SEPTIN7: variants seen among roughly 807,000 people sequenced by gnomAD.
SEPTIN7 encodes septin 7, also known as septin-7.
Under a neutral mutation model 63.3 loss-of-function variants are expected in SEPTIN7, and 10 were observed. That is an observed-to-expected ratio of 0.16 (90% CI 0.10 to 0.27). The LOEUF is 0.27. SEPTIN7 is among the 10% of genes least tolerant of loss of function. The pLI is 1.00. For missense variants in SEPTIN7, 310 were observed against 521.0 expected (o/e 0.59, Z 3.94); for synonymous variants, 131 against 165.3 (o/e 0.79, Z 1.59).
chr7:35,822,813 T>C (rs188979590), intron 1 of SEPTIN7, among the ~76,000 whole-genome samples: 1 of 152,390 alleles, frequency 6.6e-6, no homozygotes, highest in Admixed American at 6.5e-5. Context: ...TTTTACTGTT[T>C]AGCAGCAATG....
chr7:35,855,854 G>A (rs901974275), intron 3 of SEPTIN7, among the ~76,000 whole-genome samples: 2 of 152,044 alleles, frequency 1.3e-5, no homozygotes, highest in African/African-American at 4.8e-5. Flanking sequence ...TGACAATTAA[G>A]CATATTATTT....
At position 35,904,426 on chromosome 7, in the gene SEPTIN7, A is replaced by ATT; in HGVS notation, c.*143_*144dup. 6.9e-5 allele frequency: 35 copies of ATT among 508,572 alleles called. No homozygotes were observed. Among genetic ancestry groups the ATT allele is most frequent in the South Asian group, 1.7e-4 (4 of 23,102 alleles). 31.5% of individuals were successfully genotyped at this position (508,572 alleles called of 1,614,324 possible). ...TGGATTTAACAGCATGACAAAAATTATTTTTTTTTTTGTTCTTGATGGAGA... is the reference window on the plus strand; with the variant it reads ...TGGATTTAACAGCATGACAAAAATTATTTTTTTTTTTTTGTTCTTGATGGAGA... On this transcript the variant is annotated 3_prime_UTR_variant, in exon 14 of 14. Transcript: ENST00000350320.
intron 3 of SEPTIN7, among the ~76,000 whole-genome samples, chr7:35,843,796 A>G (rs1464430408): frequency 6.6e-6 from 1 of 152,174 alleles, no homozygotes; most frequent in East Asian, 1.9e-4. Context: ...ATAGGCTGAT[A>G]TTTAGAAGGA....
rs78645488 is a variant in SEPTIN7, at chr7:35,825,442, A to T, written c.62-6050A>T. Among the ~76,000 whole-genome samples the T allele has an allele frequency of 1.2e-3, 178 of 152,168 alleles. 2 individuals carry two copies. In the East Asian group the frequency reaches 0.031, roughly 26 times the overall value. On this transcript the variant is annotated intron_variant, in intron 1 of 13. Transcript: ENST00000350320. Reference sequence around the variant, plus strand: ...CAACTGACTGAGACCCATATTCTCCAGCTCCCACCCTCATCTGTCATCAAA... The same window carrying T: ...CAACTGACTGAGACCCATATTCTCCTGCTCCCACCCTCATCTGTCATCAAA...
intron 1 of SEPTIN7, among the ~76,000 whole-genome samples, chr7:35,821,936 A>G (rs1249409285): frequency 6.6e-6 from 1 of 151,912 alleles, no homozygotes; most frequent in East Asian, 1.9e-4. Context: ...ATGCCTGGCT[A>G]ATTTTTGTGT....
At chr7:35,823,301 A>C (rs576643276) in intron 1 of SEPTIN7, among the ~76,000 whole-genome samples, 1 of 152,278 alleles carries the variant, frequency 6.6e-6, no homozygotes, top group African/African-American at 2.4e-5. Flanking sequence ...TCCCAGGTTC[A>C]AGGGATTCTC....
At chr7:35,819,737 G>A (rs1049922025) in intron 1 of SEPTIN7, among the ~76,000 whole-genome samples, 2 of 151,842 alleles carry the variant, frequency 1.3e-5, no homozygotes, top group African/African-American at 2.4e-5. Flanking sequence ...TCTGATATTA[G>A]TGTAGCTACT....
At chr7:35,870,504 G>T (rs1450792511) in intron 4 of SEPTIN7, among the ~76,000 whole-genome samples, 12 of 152,154 alleles carry the variant, frequency 7.9e-5, no homozygotes, top group Admixed American at 7.2e-4. Flanking sequence ...GAGTAAGTAG[G>T]TAAAGGAGTG....
At chr7:35,841,704 A>G (rs1160598020) in intron 3 of SEPTIN7, among the ~76,000 whole-genome samples, 1 of 152,236 alleles carries the variant, frequency 6.6e-6, no homozygotes, top group African/African-American at 2.4e-5. Context: ...TCAGTATTTT[A>G]AAAGAACTCA....
rs560133808 is a variant in SEPTIN7 at position 35,880,047 on chromosome 7, A to T, written c.630+107A>T. On this transcript the variant is annotated intron_variant, in intron 7 of 13. Coordinates refer to ENST00000350320, the MANE Select transcript of SEPTIN7 (RefSeq NM_001788.6). ...AATCCATTCCTCTTACTGCTTTACT[A>T]TATTGTCATTTATACTGTATTAGAA... 27 of 672,856 alleles carry T rather than the reference A, an allele frequency of 4.0e-5. No individual in the cohort carries two copies. In the African/African-American group the frequency reaches 4.5e-4, roughly 11 times the overall value. 41.7% of individuals were successfully genotyped at this position (672,856 alleles called of 1,614,324 possible). A position where few individuals can be genotyped will look rare whatever the true frequency, so the allele number is the denominator to read the frequency against.
At chr7:35,839,523 TTTATGTTATGTTATGTTATG>T (rs59165377) in intron 3 of SEPTIN7, among the ~76,000 whole-genome samples, 7 of 148,188 alleles carry the variant, frequency 4.7e-5, no homozygotes, top group South Asian at 4.3e-4. Flanking sequence ...ATTTTTGTAA[TTTATGTTATGTTATGTTATG>T]TTATGTTATG....
At chr7:35,878,158 C>CT (rs1583608898) in intron 6 of SEPTIN7, among the ~76,000 whole-genome samples, 1 of 151,994 alleles carries the variant, frequency 6.6e-6, no homozygotes, top group African/African-American at 2.4e-5. Context: ...GTACAGCACA[C>CT]TAAGTGTTGT....
chr7:35,815,031 T>A (rs1788965813), intron 1 of SEPTIN7: 1 of 220,998 alleles, frequency 4.5e-6, no homozygotes, highest in Admixed American at 5.7e-5. Flanking sequence ...AAGAGCTCTT[T>A]TATTTATTCA....
Position 35,832,788 on chromosome 7 carries a change from C to A in SEPTIN7, c.67-10C>A. The A allele has an allele frequency of 6.4e-7, 1 of 1,555,788 alleles. No homozygotes were observed. The highest frequency in any genetic ancestry group is 8.9e-7 in the Non-Finnish European group (1 of 1,128,558). Reference sequence around the variant, plus strand: ...TACATGAATAACTTGGCCCTTTTTGCTTTTGTCAGCAACAGAAGAACCTTG... The same window carrying A: ...TACATGAATAACTTGGCCCTTTTTGATTTTGTCAGCAACAGAAGAACCTTG... On this transcript the variant is annotated splice_polypyrimidine_tract_variant and intron_variant, in intron 2 of 13. Transcript: ENST00000350320.
chr7:35,915,640 T>C, the SEPTIN7 span, among the ~76,000 whole-genome samples: 1 of 152,218 alleles, frequency 6.6e-6, no homozygotes, highest in Admixed American at 6.5e-5. Flanking sequence ...TTTGCTCTCC[T>C]TCCAGGTCCT....
intron 1 of SEPTIN7, chr7:35,812,152 A>C (rs982950051): frequency 5.3e-6 from 1 of 189,066 alleles, no homozygotes; most frequent in Non-Finnish European, 1.2e-5. Context: ...ACAAAAAAAA[A>C]ACAGTTTTTA....
At chr7:35,814,756 A>C (rs1034128294) in intron 1 of SEPTIN7, among the ~76,000 whole-genome samples, 5 of 152,070 alleles carry the variant, frequency 3.3e-5, no homozygotes, top group Admixed American at 2.0e-4. Context: ...TGGGTGGATC[A>C]CGAGGTCAGG....
In SEPTIN7 at chr7:35,879,888, T is replaced by C; in HGVS notation, c.578T>C (p.Ile193Thr). The part of the protein sequence containing the change: ...LHEKVNIIPL[I>T]AKADTLTPEE... ...GAAAAAGTGAATATCATCCCACTTA[T>C]TGCCAAAGCAGACACACTCACACCA... Residue 193 changes from isoleucine (I) to threonine (T), a missense_variant, in exon 7 of 14, where the codon ATT (isoleucine) becomes ACT (threonine). By Grantham distance (89) the Ile-to-Thr change is moderately conservative. Coordinates refer to ENST00000350320, the MANE Select transcript of SEPTIN7 (RefSeq NM_001788.6). 1.2e-6 allele frequency: 2 copies of C among 1,602,330 alleles called. No individual in the cohort carries two copies. The highest frequency in any genetic ancestry group is 1.1e-5 in the South Asian group (1 of 88,678).
chr7:35,910,175 C>T (rs1042504894), downstream of SEPTIN7, among the ~76,000 whole-genome samples: 6 of 152,204 alleles, frequency 3.9e-5, no homozygotes, highest in African/African-American at 7.2e-5. Flanking sequence ...TGACCCAGCT[C>T]TGAGAGTCAC....
Sources: gnomAD v4.1 joint callset for allele counts (sites outside exome capture counted in the v4.1 genomes callset) on GRCh38, gnomAD v4.1.1 for gene constraint, MANE v1.5 for transcripts, NCBI Gene and HGNC (gene_info 2026-07-23, HGNC 2026-07-21) for gene names.